KIRREL3: variants seen among roughly 807,000 people sequenced by gnomAD.
KIRREL3 encodes kin of IRRE-like protein 3.
In KIRREL3, 36 loss-of-function variants were observed where a neutral mutation model predicts 89.7. The ratio of observed to expected loss-of-function variants is 0.40; its 90% confidence interval spans 0.31 to 0.53. KIRREL3 has a LOEUF of 0.53. Among genes scored for constraint, KIRREL3 ranks in the 20% least tolerant of loss-of-function variants. The pLI is 0.49. For synonymous variants in KIRREL3, 445 were observed against 441.4 expected, an observed-to-expected ratio of 1.01 and a Z score of -0.10; for missense variants, 864 against 1,056.6, an observed-to-expected ratio of 0.82 and a Z score of 2.53.
intron 1 of KIRREL3, among the ~76,000 whole-genome samples, chr11:126,855,110 T>C (rs1266165632): frequency 6.6e-6 from 1 of 152,150 alleles, no homozygotes; most frequent in African/African-American, 2.4e-5. Context: ...CGGTGTTAGA[T>C]TGGCTGTCAG....
intron 1 of KIRREL3, among the ~76,000 whole-genome samples, chr11:126,718,276 G>T (rs921844202): frequency 1.3e-5 from 2 of 152,188 alleles, no homozygotes; most frequent in Non-Finnish European, 2.9e-5. Context: ...TGAGGGAGGG[G>T]CAGGGGCTCC....
At chr11:126,599,343 C>G (rs1942541661) in intron 1 of KIRREL3, among the ~76,000 whole-genome samples, 1 of 152,216 alleles carries the variant, frequency 6.6e-6, no homozygotes, top group Non-Finnish European at 1.5e-5. Context: ...TGGACTCTCT[C>G]TGAGGCAGGC....
In KIRREL3 at chr11:126,501,691, TCA is replaced by T. The variant is rs142572015; in HGVS notation, c.433+19622_433+19623del. ...CCAAATTCCACTCATGCTTTCAAAC[TCA>T]CTTAAACCCTCCTTAAAGCCTACAC... is the stretch of plus-strand genomic sequence containing the variant. On this transcript the variant is annotated intron_variant, in intron 4 of 16. Transcript: ENST00000525144. This position sits in a 1 kb window ranked among gnomAD's most constrained non-coding sequence, Gnocchi z 5.8. 3.2e-3 allele frequency among the ~76,000 whole-genome samples: 494 copies of T among 152,312 alleles called. 2 individuals are homozygous for T. Among genetic ancestry groups the T allele is most frequent in the African/African-American group, 0.011 (473 of 41,578 alleles).
chr11:126,695,102 G>A (rs1017461544), intron 1 of KIRREL3, among the ~76,000 whole-genome samples: 2 of 152,146 alleles, frequency 1.3e-5, no homozygotes, highest in Middle Eastern at 3.2e-3. Flanking sequence ...CTGCTACAGC[G>A]GCAGAGCAGG....
In KIRREL3 at chr11:126,466,852, G is replaced by A. The variant is rs908562087; in HGVS notation, c.592-3545C>T. 2.6e-5 allele frequency among the ~76,000 whole-genome samples: 4 copies of A among 152,304 alleles called. No individual in the cohort carries two copies. In the East Asian group the frequency reaches 7.7e-4, roughly 29 times the overall value. On this transcript the variant is annotated intron_variant, in intron 5 of 16. Coordinates refer to ENST00000525144, the MANE Select transcript of KIRREL3 (RefSeq NM_032531.4). ...AGAAAGCTTCATGCCTTGCAGGTGA[G>A]CTCCAGAAGGAAGTGAGTTATTCAT...
intron 7 of KIRREL3, among the ~76,000 whole-genome samples, chr11:126,450,311 A>C (rs1487682661): frequency 7.2e-6 from 1 of 138,560 alleles, no homozygotes; most frequent in Non-Finnish European, 1.6e-5. Context: ...GAGTGTGCCC[A>C]TGTGCACGTG....
intron 1 of KIRREL3, among the ~76,000 whole-genome samples, chr11:126,934,571 C>T (rs560835917): frequency 1.3e-4 from 19 of 151,952 alleles, no homozygotes; most frequent in Admixed American, 9.2e-4. Context: ...TGCTGTAGAA[C>T]GTATAGGAAA....
chr11:126,698,568 G>A (rs189550983), intron 1 of KIRREL3, among the ~76,000 whole-genome samples: 4 of 152,238 alleles, frequency 2.6e-5, no homozygotes, highest in African/African-American at 9.6e-5. Context: ...CAAGTCATAA[G>A]AGCATCTGCT....
Position 126,615,880 on chromosome 11 carries a change from T to G in KIRREL3, c.56-52968A>C, listed in dbSNP as rs1943324840. Reference sequence around the variant, plus strand: ...TCTGCCACTTGCCTGCATTAAGCCTTTTGGTCATATGTCTGGGGAGCAGAC... The same window carrying G: ...TCTGCCACTTGCCTGCATTAAGCCTGTTGGTCATATGTCTGGGGAGCAGAC... On this transcript the variant is annotated intron_variant, in intron 1 of 16. Coordinates refer to ENST00000525144, the MANE Select transcript of KIRREL3 (RefSeq NM_032531.4). This position sits in a 1 kb window ranked among gnomAD's most constrained non-coding sequence, Gnocchi z 5.4. 6.6e-6 allele frequency among the ~76,000 whole-genome samples: 1 copy of G among 152,184 alleles called. No homozygotes were observed. The highest frequency in any genetic ancestry group is 1.5e-5 in the Non-Finnish European group (1 of 68,024).
In KIRREL3 at chr11:126,900,561, A is replaced by C. The variant is rs1249771455; in HGVS notation, c.55+99894T>G. Reference sequence around the variant, plus strand: ...GGCCTGTTTTCTCTGTTGGAAAAAAAATAGATTTAAGATAATGGCCCTATT... The same window carrying C: ...GGCCTGTTTTCTCTGTTGGAAAAAACATAGATTTAAGATAATGGCCCTATT... On this transcript the variant is annotated intron_variant, in intron 1 of 16. Transcript: ENST00000525144. This position sits in a 1 kb window ranked among gnomAD's most constrained non-coding sequence, Gnocchi z 4.4. Among the ~76,000 whole-genome samples the C allele has an allele frequency of 6.6e-6, 1 of 152,204 alleles. No homozygotes were observed.
intron 1 of KIRREL3, among the ~76,000 whole-genome samples, chr11:126,873,923 C>T (rs1945187838): frequency 6.6e-6 from 1 of 152,234 alleles, no homozygotes; most frequent in South Asian, 2.1e-4. Flanking sequence ...GACCACCTTC[C>T]ACTTCTAACT....
chr11:126,715,139 T>C lies in KIRREL3; in HGVS notation c.56-152227A>G, dbSNP rs917748132. 1.3e-5 allele frequency among the ~76,000 whole-genome samples: 2 copies of C among 152,202 alleles called. No homozygotes were observed. Among genetic ancestry groups the C allele is most frequent in the African/African-American group, 4.8e-5 (2 of 41,454 alleles). On this transcript the variant is annotated intron_variant, in intron 1 of 16. Transcript: ENST00000525144. The surrounding 1 kb of genome is among the most constrained non-coding windows in gnomAD (Gnocchi z 4.4). Reference sequence around the variant, plus strand: ...CTTGTGACAATGCCCAGACAACTAATAGAGTCTCTGTTTTGCCACCGGATA... The same window carrying C: ...CTTGTGACAATGCCCAGACAACTAACAGAGTCTCTGTTTTGCCACCGGATA...
At position 126,687,821 on chromosome 11, in the gene KIRREL3, G is replaced by A. The variant is rs972025027; in HGVS notation, c.56-124909C>T. 6.6e-5 allele frequency among the ~76,000 whole-genome samples: 10 copies of A among 152,170 alleles called. No homozygotes were observed. Among genetic ancestry groups the A allele is most frequent in the African/African-American group, 1.9e-4 (8 of 41,446 alleles). ...AGGCAAAGAGAGATGCGGTGAAATG[G>A]CCATGGGAGCACAGCCTTGAAGAGA... On this transcript the variant is annotated intron_variant, in intron 1 of 16. Transcript: ENST00000525144. This position sits in a 1 kb window ranked among gnomAD's most constrained non-coding sequence, Gnocchi z 4.6.
rs569917411 is a variant in KIRREL3, at chr11:126,972,638, C to T, written c.55+27817G>A. On this transcript the variant is annotated intron_variant, in intron 1 of 16. Coordinates refer to ENST00000525144, the MANE Select transcript of KIRREL3 (RefSeq NM_032531.4). Reference sequence around the variant, plus strand: ...GCCACCACAGAGCCTGGCTCCTCAGCTCTTCTGACATGCCCAATGTTGTTT... The same window carrying T: ...GCCACCACAGAGCCTGGCTCCTCAGTTCTTCTGACATGCCCAATGTTGTTT... 2.6e-5 allele frequency among the ~76,000 whole-genome samples: 4 copies of T among 152,336 alleles called. No individual in the cohort carries two copies. The South Asian group carries it at 8.3e-4, about 32-fold the overall frequency.
intron 1 of KIRREL3, among the ~76,000 whole-genome samples, chr11:126,613,357 A>T (rs1200997611): frequency 6.6e-6 from 1 of 152,088 alleles, no homozygotes; most frequent in African/African-American, 2.4e-5. Flanking sequence ...TTTCACACGG[A>T]TATTGGAGAT....
At chr11:126,584,461 T>C (rs913645527) in intron 1 of KIRREL3, among the ~76,000 whole-genome samples, 2 of 152,134 alleles carry the variant, frequency 1.3e-5, no homozygotes, top group Non-Finnish European at 2.9e-5. Context: ...TTCTTCCCCA[T>C]ACAAAGCCCC....
intron 2 of KIRREL3, among the ~76,000 whole-genome samples, chr11:126,560,385 C>A (rs974351547): frequency 3.3e-5 from 5 of 152,202 alleles, no homozygotes; most frequent in African/African-American, 4.8e-5. Flanking sequence ...ATAGAGCAAA[C>A]CTCTCATTGA....
chr11:126,537,813 T>C lies in KIRREL3; in HGVS notation c.134-11126A>G, dbSNP rs1173581502. On this transcript the variant is annotated intron_variant, in intron 2 of 16. Transcript: ENST00000525144. This position sits in a 1 kb window ranked among gnomAD's most constrained non-coding sequence, Gnocchi z 4.3. ...TAGACAGGTGTTTCACAAAGGGTCA[T>C]TCTTACTTTCGTCACTATCCACAAG... is the stretch of plus-strand genomic sequence containing the variant. 6.6e-6 allele frequency among the ~76,000 whole-genome samples: 1 copy of C among 152,258 alleles called. No homozygotes were observed. Among genetic ancestry groups the C allele is most frequent in the African/African-American group, 2.4e-5 (1 of 41,466 alleles).
rs1478842320 is a variant in KIRREL3, at chr11:126,612,443, TACTA to T, written c.56-49535_56-49532del. On this transcript the variant is annotated intron_variant, in intron 1 of 16. Coordinates refer to ENST00000525144, the MANE Select transcript of KIRREL3 (RefSeq NM_032531.4). The surrounding 1 kb of genome is among the most constrained non-coding windows in gnomAD (Gnocchi z 4.5). ...TATGCATCCTATCACCTGGCTCTGC[TACTA>T]ACTGTCTCATGAACTTGGAAGCTTT... Among the ~76,000 whole-genome samples, 3 of 152,242 alleles carry T rather than the reference TACTA, an allele frequency of 2.0e-5. No homozygotes were observed. Among genetic ancestry groups the T allele is most frequent in the African/African-American group, 7.2e-5 (3 of 41,474 alleles).
Sources: gnomAD v4.1 joint callset for allele counts (sites outside exome capture counted in the v4.1 genomes callset) on GRCh38, gnomAD v4.1.1 for gene constraint, Gnocchi (gnomAD v3.1) non-coding constraint, MANE v1.5 for transcripts, NCBI Gene and HGNC (gene_info 2026-07-23, HGNC 2026-07-21) for gene names.